The following ZNF143 variants were observed in gnomAD, a reference collection of about 807,000 sequenced individuals.
The protein encoded by ZNF143 is zinc finger protein 143.
A neutral mutation model predicts 74.1 loss-of-function variants in ZNF143; 49 were observed. The ratio of observed to expected loss-of-function variants is 0.66; its 90% CI spans 0.53 to 0.84. The LOEUF is 0.84. ZNF143 is among the 40% of genes least tolerant of loss of function. The probability of loss-of-function intolerance (pLI) is 0.00; values close to 1 mark genes in which losing one functional copy is unlikely to be tolerated. For missense variants in ZNF143, 637 were observed against 793.4 expected (o/e 0.80, Z 2.37); for synonymous variants, 304 against 282.8 (o/e 1.07, Z -0.75).
chr11:9,502,041 A>G (rs139454040), intron 11 of ZNF143, among the ~76,000 whole-genome samples: 222 of 132,058 alleles, frequency 1.7e-3, no homozygotes, highest in African/African-American at 6.1e-3. Context: ...GGTTTAAGCG[A>G]TTCTCCCACC....
At chr11:9,508,208 C>A (rs1358154250) in intron 11 of ZNF143, among the ~76,000 whole-genome samples, 1 of 152,046 alleles carries the variant, frequency 6.6e-6, no homozygotes, top group African/African-American at 2.4e-5. Flanking sequence ...AAAGACAATC[C>A]TTTTTTATTA....
intron 8 of ZNF143, among the ~76,000 whole-genome samples, chr11:9,495,594 C>T (rs1847931782): frequency 6.6e-6 from 1 of 152,144 alleles, no homozygotes; most frequent in South Asian, 2.1e-4. Context: ...GAGTAGTGGC[C>T]CTGGGGCCCA....
intron 7 of ZNF143, among the ~76,000 whole-genome samples, chr11:9,487,098 C>T (rs1005669367): frequency 6.6e-6 from 1 of 150,670 alleles, no homozygotes; most frequent in Non-Finnish European, 1.5e-5. Flanking sequence ...TCCCGAGTAG[C>T]TGGGAATACA....
chr11:9,473,069 C>T (rs542543704), intron 3 of ZNF143, among the ~76,000 whole-genome samples: 3 of 151,958 alleles, frequency 2.0e-5, no homozygotes, highest in Admixed American at 1.3e-4. Flanking sequence ...GTCATTATTT[C>T]GTATTTTTAC....
intron 11 of ZNF143, among the ~76,000 whole-genome samples, chr11:9,507,270 TAC>T (rs1219345995): frequency 5.3e-5 from 8 of 152,200 alleles, no homozygotes; most frequent in Non-Finnish European, 1.0e-4. Flanking sequence ...CTTTCATATG[TAC>T]ATTTTAAAAA....
Position 9,494,520 on chromosome 11 carries a change from A to G in ZNF143, c.646-126A>G, listed in dbSNP as rs1847891658. On this transcript the variant is annotated intron_variant, in intron 7 of 15. Transcript: ENST00000396602. Reference sequence around the variant, plus strand: ...GAGACAGGGTTTTGTCATGTTGCCCAGGCTGCTCTTGAACTCCTGGGCTCA... The same window carrying G: ...GAGACAGGGTTTTGTCATGTTGCCCGGGCTGCTCTTGAACTCCTGGGCTCA... The G allele has an allele frequency of 9.3e-6, 8 of 856,240 alleles. No homozygotes were observed. In the South Asian group the frequency reaches 1.4e-4, roughly 15 times the overall value. 53.0% of individuals were successfully genotyped at this position (856,240 alleles called of 1,614,324 possible). A position where few individuals can be genotyped will look rare whatever the true frequency, so the allele number is the denominator to read the frequency against.
intron 14 of ZNF143, 92 bp downstream of exon 14, chr11:9,516,454 CA>C (rs1848727409): frequency 2.4e-6 from 3 of 1,239,308 alleles, no homozygotes; most frequent in East Asian, 2.6e-5. Flanking sequence ...GTTAAGCACA[CA>C]AACTTGGGAG....
At position 9,479,500 on chromosome 11, in the gene ZNF143, C is replaced by A; in HGVS notation, c.599C>A (p.Ala200Glu). Residue 200 changes from alanine to glutamate, a missense_variant, in exon 7 of 16, where the codon GCA (alanine) becomes GAA (glutamate). By Grantham distance (107) the Ala-to-Glu change is moderately radical (BLOSUM62 -1). This residue lies in a region of ZNF143 where 293 missense variants were observed against 307.8 expected (regional missense o/e 0.95). Transcript: ENST00000396602. Reference sequence around the variant, plus strand: ...TCCATTGATGGAAGTGAAAGTGTAGCAGGTACTGGAATGATTGGAGAAAAT... The same window carrying A: ...TCCATTGATGGAAGTGAAAGTGTAGAAGGTACTGGAATGATTGGAGAAAAT... ...KVSIDGSESV[A>E]GTGMIGENEQ... 1 of 1,612,952 alleles carries A rather than the reference C, an allele frequency of 6.2e-7. No individual in the cohort carries two copies. The highest frequency in any genetic ancestry group is 1.7e-5 in the Admixed American group (1 of 59,894).
rs1412342369 is a variant in ZNF143, at chr11:9,525,351, G to A, written c.1798G>A (p.Val600Ile). The A allele has an allele frequency of 6.2e-7, 1 of 1,614,070 alleles. No individual in the cohort carries two copies. Among genetic ancestry groups the A allele is most frequent in the African/African-American group, 1.3e-5 (1 of 74,920 alleles). The change falls in exon 15 of 16, where the codon GTA (valine) becomes ATA (isoleucine). Residue 600 changes from valine (V) to isoleucine (I), a missense_variant. Transcript: ENST00000396602. ...CACAGAAACCAGACCTCTGACCTTA[G>A]TAGCAACATCCAATGGCACCCAGAT... ...VTTETRPLTL[V>I]ATSNGTQIAV...
chr11:9,494,634 T>C lies in ZNF143; in HGVS notation c.646-12T>C, dbSNP rs752446275. On this transcript the variant is annotated splice_polypyrimidine_tract_variant and intron_variant, in intron 7 of 15. Coordinates refer to ENST00000396602, the MANE Select transcript of ZNF143 (RefSeq NM_003442.6). ...CTTAAGTAATTTAAGTAATACTATT[T>C]GTTTTATTTAGATTGTTTTACAAGG... 1 of 1,612,020 alleles carries C rather than the reference T, an allele frequency of 6.2e-7. No homozygotes were observed. Among genetic ancestry groups the C allele is most frequent in the Admixed American group, 1.7e-5 (1 of 59,836 alleles).
chr11:9,518,197 A>T (rs1848788559), intron 14 of ZNF143, among the ~76,000 whole-genome samples: 1 of 152,250 alleles, frequency 6.6e-6, no homozygotes, highest in Non-Finnish European at 1.5e-5. Context: ...ATGCAAATTA[A>T]CATCACAATG....
chr11:9,471,304 A>G lies in ZNF143; in HGVS notation c.-5A>G, dbSNP rs2133858192. 2 of 1,600,886 alleles carry G rather than the reference A, an allele frequency of 1.2e-6. No individual in the cohort carries two copies. The highest frequency in any genetic ancestry group is 1.7e-6 in the Non-Finnish European group (2 of 1,175,564). The stretch of plus-strand genomic sequence containing the variant: ...AAGTGTCTTTATTTTTCTTCAAGGT[A>G]GAAGATGTTGTTAGCCCAAATAAAT... On this transcript the variant is annotated splice_region_variant and 5_prime_UTR_variant, in exon 2 of 16. Coordinates refer to ENST00000396602, the MANE Select transcript of ZNF143 (RefSeq NM_003442.6).
chr11:9,469,710 T>C (rs896268736), intron 1 of ZNF143, among the ~76,000 whole-genome samples: 1 of 151,870 alleles, frequency 6.6e-6, no homozygotes, highest in Non-Finnish European at 1.5e-5. Flanking sequence ...CACATCCAGC[T>C]AATTTGTTAA....
At chr11:9,470,625 G>A (rs959053021) in intron 1 of ZNF143, among the ~76,000 whole-genome samples, 5 of 152,190 alleles carry the variant, frequency 3.3e-5, no homozygotes, top group Non-Finnish European at 5.9e-5. Context: ...GGCTGAAGTG[G>A]AGTGAATGAG....
At chr11:9,520,380 C>T (rs560572013) in intron 14 of ZNF143, among the ~76,000 whole-genome samples, 65 of 147,634 alleles carry the variant, frequency 4.4e-4, no homozygotes, top group African/African-American at 1.6e-3. Context: ...TGCCTGTAGT[C>T]CCAGCTACTC....
At chr11:9,527,107 A>T (rs774059989) in intron 15 of ZNF143, among the ~76,000 whole-genome samples, 15 of 152,144 alleles carry the variant, frequency 9.9e-5, no homozygotes, top group Non-Finnish European at 1.9e-4. Context: ...TGCTGAGATT[A>T]CAGGCGTGAG....
intron 7 of ZNF143, among the ~76,000 whole-genome samples, chr11:9,494,330 T>C (rs1847884998): frequency 6.6e-6 from 1 of 152,154 alleles, no homozygotes. Flanking sequence ...TTGAGACAGG[T>C]CTCACTCTGC....
intron 7 of ZNF143, among the ~76,000 whole-genome samples, chr11:9,491,760 G>A (rs889698918): frequency 4.6e-5 from 7 of 152,106 alleles, no homozygotes; most frequent in Non-Finnish European, 1.5e-5. Context: ...CCTCTGAGTA[G>A]CTGGAACTAC....
chr11:9,466,010 G>C (rs1452389541), intron 1 of ZNF143, among the ~76,000 whole-genome samples: 1 of 134,434 alleles, frequency 7.4e-6, no homozygotes, highest in Non-Finnish European at 1.6e-5. Flanking sequence ...TTTTTTTTTT[G>C]AGAGGGAGTT....
Sources: gnomAD v4.1 joint callset for allele counts (sites outside exome capture counted in the v4.1 genomes callset) on GRCh38, gnomAD v4.1.1 for gene constraint, gnomAD v4.1.1 regional missense constraint, MANE v1.5 for transcripts, NCBI Gene and HGNC (gene_info 2026-07-23, HGNC 2026-07-21) for gene names.